The following EXOC4 variants were observed in gnomAD, a reference collection of about 807,000 sequenced individuals.
EXOC4 encodes the protein SEC8-like 1.
EXOC4 carries 71 observed loss-of-function variants against 107.2 expected under a neutral mutation model. That is an observed-to-expected ratio of 0.66 (90% CI 0.55 to 0.81). EXOC4 has a LOEUF of 0.81. Ranked by LOEUF, EXOC4 falls within the 30% of genes least tolerant of loss-of-function variation. The pLI is 0.00. For missense variants in EXOC4, 1,108 were observed against 1,189.6 expected (o/e 0.93, Z 1.01); for synonymous variants, 456 against 441.2 (o/e 1.03, Z -0.42).
intron 11 of EXOC4, among the ~76,000 whole-genome samples, chr7:133,850,687 C>T (rs1430026875): frequency 3.3e-5 from 5 of 151,074 alleles, no homozygotes; most frequent in African/African-American, 1.2e-4. Context: ...ATCACTCCAA[C>T]AGATGGTCAT....
chr7:133,726,366 C>T (rs1361696258), intron 10 of EXOC4, among the ~76,000 whole-genome samples: 15 of 152,240 alleles, frequency 9.9e-5, no homozygotes, highest in African/African-American at 1.7e-4. Context: ...CTGCCTGGTA[C>T]GTAATAGGCA....
chr7:134,041,166 C>T (rs1190874830), intron 17 of EXOC4, among the ~76,000 whole-genome samples: 2 of 152,136 alleles, frequency 1.3e-5, no homozygotes, highest in East Asian at 1.9e-4. Context: ...GTTCCCAAAG[C>T]GTAACATAAA....
chr7:133,286,258 T>C (rs1794274277), intron 2 of EXOC4, among the ~76,000 whole-genome samples: 1 of 152,294 alleles, frequency 6.6e-6, no homozygotes, highest in Non-Finnish European at 1.5e-5. Context: ...AACCTTTCTA[T>C]TGGAGTTTTA....
At chr7:133,999,599 C>A (rs1466227308) in intron 15 of EXOC4, among the ~76,000 whole-genome samples, 1 of 152,046 alleles carries the variant, frequency 6.6e-6, no homozygotes, top group African/African-American at 2.4e-5. Flanking sequence ...TTTCTATGAA[C>A]AAATATTTGC....
chr7:133,606,665 C>T (rs1343036960), intron 9 of EXOC4, among the ~76,000 whole-genome samples: 1 of 151,872 alleles, frequency 6.6e-6, no homozygotes, highest in Non-Finnish European at 1.5e-5. Flanking sequence ...TAGGTGTGCA[C>T]CATCACACCT....
intron 9 of EXOC4, among the ~76,000 whole-genome samples, chr7:133,522,636 T>C (rs1273411517): frequency 1.3e-5 from 2 of 152,124 alleles, no homozygotes; most frequent in Non-Finnish European, 2.9e-5. Context: ...TGAATCATAA[T>C]TGTGTGTGCA....
chr7:133,895,629 G>T lies in EXOC4; in HGVS notation c.1765G>T (p.Asp589Tyr). The T allele has an allele frequency of 1.2e-6, 2 of 1,614,116 alleles. No homozygotes were observed. Among genetic ancestry groups the T allele is most frequent in the South Asian group, 1.1e-5 (1 of 91,074 alleles). The part of the protein sequence containing the change: ...STIIVEKTVQ[D>Y]LLNLMHDLSA... ...AATCATTGTGGAGAAGACAGTTCAAGACCTCCTGAACCTGATGCATGACTT... is the reference window on the plus strand; with the variant it reads ...AATCATTGTGGAGAAGACAGTTCAATACCTCCTGAACCTGATGCATGACTT... The change falls in exon 12 of 18, where the codon GAC becomes TAC. Residue 589 changes from aspartate to tyrosine, a missense_variant. Physicochemically the swap from Asp to Tyr is radical, Grantham distance 160. Transcript: ENST00000253861.
chr7:133,407,572 A>G (rs1259658989), intron 7 of EXOC4, among the ~76,000 whole-genome samples: 2 of 152,188 alleles, frequency 1.3e-5, no homozygotes, highest in Admixed American at 1.3e-4. Context: ...CAAATATGTA[A>G]TGTTTAAATA....
intron 13 of EXOC4, among the ~76,000 whole-genome samples, chr7:133,922,782 A>G (rs1963841): frequency 0.62 from 93,435 of 151,302 alleles, 31,182 homozygotes; most frequent in African/African-American, 0.89. Context: ...CCAAGAGGCG[A>G]GGCTTGCAGT....
At chr7:133,500,769 T>G (rs989371029) in intron 9 of EXOC4, among the ~76,000 whole-genome samples, 4 of 152,248 alleles carry the variant, frequency 2.6e-5, no homozygotes, top group Non-Finnish European at 5.9e-5. Flanking sequence ...CACTTGGTAT[T>G]GTCAGTTCTT....
rs115411256 is a variant in EXOC4 at position 133,923,362 on chromosome 7, C to T, written c.2027+5624C>T. Among the ~76,000 whole-genome samples the T allele has an allele frequency of 2.5e-3, 376 of 152,128 alleles. 5 individuals carry two copies. The highest frequency in any genetic ancestry group is 8.3e-3 in the African/African-American group (344 of 41,494). ...CAGGCTAGTCTCGAACCTTGTGATC[C>T]GCCCACCTCGGCCTCCCTTATAGTG... is the stretch of plus-strand genomic sequence containing the variant. On this transcript the variant is annotated intron_variant, in intron 13 of 17. Transcript: ENST00000253861.
At chr7:133,919,960 C>T (rs925136621) in intron 13 of EXOC4, among the ~76,000 whole-genome samples, 1 of 152,160 alleles carries the variant, frequency 6.6e-6, no homozygotes, top group Non-Finnish European at 1.5e-5. Flanking sequence ...TAAGAAACTG[C>T]CAAAATGTAT....
Position 133,679,054 on chromosome 7 carries a change from T to A in EXOC4, c.1514+48913T>A, listed in dbSNP as rs1023187183. Among the ~76,000 whole-genome samples, 3 of 152,342 alleles carry A rather than the reference T, an allele frequency of 2.0e-5. No homozygotes were observed. The South Asian group carries it at 6.2e-4, about 32-fold the overall frequency. On this transcript the variant is annotated intron_variant, in intron 10 of 17. Transcript: ENST00000253861. ...AACCGATGTCATAACTTCTGTTTTG[T>A]TAAAATCTTTAAGGCCCATCACATA...
chr7:133,960,993 C>T (rs1016525691), intron 14 of EXOC4, among the ~76,000 whole-genome samples: 1 of 152,108 alleles, frequency 6.6e-6, no homozygotes, highest in Non-Finnish European at 1.5e-5. Context: ...CCAGAACCTA[C>T]AAAAATGTGA....
chr7:133,784,416 A>G (rs918953398), intron 10 of EXOC4, among the ~76,000 whole-genome samples: 1 of 152,084 alleles, frequency 6.6e-6, no homozygotes, highest in Admixed American at 6.5e-5. Context: ...TGGCCCTTCT[A>G]TCTCCATTTA....
chr7:133,522,099 A>G (rs9886361), intron 9 of EXOC4, among the ~76,000 whole-genome samples: 151,670 of 152,240 alleles, frequency 1, 75,556 homozygotes, highest in Middle Eastern at 1. Flanking sequence ...TAAATTTTAG[A>G]AAGTTAAAGT....
Position 133,591,285 on chromosome 7 carries a change from G to A in EXOC4, c.1418-38760G>A, listed in dbSNP as rs960210774. Among the ~76,000 whole-genome samples, 8 of 152,076 alleles carry A rather than the reference G, an allele frequency of 5.3e-5. No individual in the cohort carries two copies. The East Asian group carries it at 1.2e-3, about 22-fold the overall frequency. On this transcript the variant is annotated intron_variant, in intron 9 of 17. Coordinates refer to ENST00000253861, the MANE Select transcript of EXOC4 (RefSeq NM_021807.4). ...GGACTCAAACTGTCTTCCCACTTCA[G>A]CCTCCCAAAGTGCTGCTGATTACAG...
rs1796023779 is a variant in EXOC4 at position 133,356,519 on chromosome 7, T to G, written c.953T>G (p.Val318Gly). The change falls in exon 6 of 18, where the codon GTG (valine) becomes GGG (glycine). Residue 318 changes from valine (V) to glycine (G), a missense_variant. Physicochemically the swap from Val to Gly is moderately radical, Grantham distance 109 (BLOSUM62 -3). Transcript: ENST00000253861. ...ATTGTGAAGAGGTCTACAACCCAGG[T>G]GGCAGACAGTGGCTATCAGCGGGGG... Reference protein sequence around the residue: ...KQIVKRSTTQVADSGYQRGEN... With the variant: ...KQIVKRSTTQGADSGYQRGEN... The G allele has an allele frequency of 6.2e-7, 1 of 1,613,968 alleles. No individual in the cohort carries two copies. The highest frequency in any genetic ancestry group is 1.3e-5 in the African/African-American group (1 of 74,906).
At chr7:133,455,418 A>G (rs2150815638) in intron 7 of EXOC4, among the ~76,000 whole-genome samples, 1 of 152,318 alleles carries the variant, frequency 6.6e-6, no homozygotes, top group East Asian at 1.9e-4. Context: ...GGACTGCTGT[A>G]TTATTTAGTA....
Sources: allele counts gnomAD v4.1 joint callset (sites outside exome capture counted in the v4.1 genomes callset), GRCh38; gene constraint gnomAD v4.1.1; transcripts MANE v1.5; gene names NCBI Gene and HGNC (gene_info 2026-07-23, HGNC 2026-07-21).